CFHR5: variants seen among roughly 807,000 people sequenced by gnomAD.
CFHR5 encodes complement factor H-related protein 5.
In CFHR5, 73 loss-of-function variants were observed where a neutral mutation model predicts 62.9. The observed-to-expected ratio is 1.16, with a 90% confidence interval of 0.96 to 1.41. The LOEUF is 1.41. CFHR5 is among the 40% of genes most tolerant of loss of function. The pLI, the probability that CFHR5 is intolerant of heterozygous loss-of-function variation, is 0.00. For missense variants in CFHR5, 779 were observed against 679.9 expected (o/e 1.15, Z -1.62); for synonymous variants, 249 against 227.2 (o/e 1.10, Z -0.86).
chr1:197,006,125 T>C (rs1654281096), intron 9 of CFHR5, among the ~76,000 whole-genome samples: 1 of 152,148 alleles, frequency 6.6e-6, no homozygotes, highest in South Asian at 2.1e-4. Context: ...TCGCAGAAAT[T>C]ATCATGGCCA....
At chr1:196,999,771 A>G in intron 7 of CFHR5, among the ~76,000 whole-genome samples, 1 of 143,796 alleles carries the variant, frequency 7.0e-6, no homozygotes, top group Admixed American at 7.1e-5. Flanking sequence ...ACACACACAC[A>G]TATATGTATA....
intron 7 of CFHR5, among the ~76,000 whole-genome samples, chr1:197,001,546 TA>T (rs1654154211): frequency 2.0e-5 from 3 of 151,790 alleles, no homozygotes; most frequent in African/African-American, 7.3e-5. Context: ...TTTCACTGAA[TA>T]TGTTTTTTTT....
At chr1:196,977,255 A>ACTTG (rs1653418090), upstream of CFHR5, among the ~76,000 whole-genome samples, 1 of 150,912 alleles carries the variant, frequency 6.6e-6, no homozygotes, top group Non-Finnish European at 1.5e-5. Flanking sequence ...GATGACTTGC[A>ACTTG]CTTGCTTGCC....
chr1:196,976,052 T>C (rs1653389044), upstream of CFHR5, among the ~76,000 whole-genome samples: 1 of 152,156 alleles, frequency 6.6e-6, no homozygotes, highest in African/African-American at 2.4e-5. Flanking sequence ...GCTAAAAAGA[T>C]TGTTGAAATG....
Position 197,002,622 on chromosome 1 carries a change from G to A in CFHR5, c.1288G>A (p.Val430Ile), listed in dbSNP as rs1310716304. 1 of 1,613,590 alleles carries A rather than the reference G, an allele frequency of 6.2e-7. No homozygotes were observed. The highest frequency in any genetic ancestry group is 1.1e-5 in the South Asian group (1 of 91,066). The part of the protein sequence containing the change: ...NYLLPEAKEI[V>I]CKDGRWQSLP... ...TCTACTTCCAGAAGCAAAAGAAATTGTATGTAAAGATGGACGATGGCAATC... is the reference window on the plus strand; with the variant it reads ...TCTACTTCCAGAAGCAAAAGAAATTATATGTAAAGATGGACGATGGCAATC... Residue 430 changes from valine to isoleucine, a missense_variant, in exon 8 of 10, where the codon GTA (valine) becomes ATA (isoleucine). Val to Ile is a conservative substitution (Grantham distance 29, BLOSUM62 3). Coordinates refer to ENST00000256785, the MANE Select transcript of CFHR5 (RefSeq NM_030787.4).
rs140788459 is a variant in CFHR5, at chr1:196,984,123, T to A, written c.416T>A (p.Ile139Lys). 1 of 1,611,930 alleles carries A rather than the reference T, an allele frequency of 6.2e-7. No homozygotes were observed. Among genetic ancestry groups the A allele is most frequent in the African/African-American group, 1.3e-5 (1 of 74,422 alleles). ...GAACGGGGCTGGTCCACTCCTCCCA[T>A]ATGCAGCTTCACTAGTAAGCAAAAT... ...CVERGWSTPP[I>K]CSFTKGECHV... The change falls in exon 3 of 10, where the codon ATA becomes AAA. Residue 139 changes from isoleucine (I) to lysine (K), a missense_variant. Ile to Lys is a moderately radical substitution (Grantham distance 102). Transcript: ENST00000256785.
chr1:196,999,854 T>A (rs1046678723), intron 7 of CFHR5, among the ~76,000 whole-genome samples: 8 of 148,736 alleles, frequency 5.4e-5, no homozygotes, highest in Non-Finnish European at 1.5e-5. Flanking sequence ...ATGTATATCC[T>A]AAAAAGCTAG....
intron 3 of CFHR5, among the ~76,000 whole-genome samples, chr1:196,988,764 G>T (rs369065173): frequency 4.6e-5 from 7 of 152,046 alleles, no homozygotes; most frequent in East Asian, 3.9e-4. Flanking sequence ...TGCTGGATTT[G>T]GTTTGCCAGT....
chr1:196,993,482 A>C (rs528051782), intron 3 of CFHR5, among the ~76,000 whole-genome samples: 1 of 152,084 alleles, frequency 6.6e-6, no homozygotes, highest in Non-Finnish European at 1.5e-5. Context: ...TTTTCAGTAG[A>C]GGCAGGGTTT....
At chr1:197,000,764 T>C (rs1180969069) in intron 7 of CFHR5, among the ~76,000 whole-genome samples, 1 of 152,184 alleles carries the variant, frequency 6.6e-6, no homozygotes, top group Admixed American at 6.6e-5. Flanking sequence ...TTTGTGACTA[T>C]GTATTTAAAT....
intron 8 of CFHR5, 44 bp from the exon 9 acceptor site, chr1:197,004,617 T>G (rs748878743): frequency 6.1e-6 from 9 of 1,471,302 alleles, no homozygotes; most frequent in Non-Finnish European, 8.6e-6. Context: ...TATTATTTTG[T>G]TTAAACTAAC....
At chr1:196,984,483 TATA>T (rs1382418834) in intron 3 of CFHR5, among the ~76,000 whole-genome samples, 6 of 152,164 alleles carry the variant, frequency 3.9e-5, no homozygotes, top group Non-Finnish European at 7.4e-5. Flanking sequence ...TAAAATGTCT[TATA>T]AGGAAGTTTT....
In CFHR5 at chr1:197,000,633, A is replaced by G. The variant is rs559033134; in HGVS notation, c.1148-1849A>G. ...GATTACAGACACCTTCAGCTTCCCT[A>G]TTTCCTGGCACTGGGACATCTAGGA... On this transcript the variant is annotated intron_variant, in intron 7 of 9. Transcript: ENST00000256785. Among the ~76,000 whole-genome samples, 8 of 152,262 alleles carry G rather than the reference A, an allele frequency of 5.3e-5. No homozygotes were observed. In the South Asian group the frequency reaches 1.7e-3, roughly 32 times the overall value.
At chr1:196,981,082 T>C (rs1346812192) in intron 1 of CFHR5, among the ~76,000 whole-genome samples, 1 of 152,108 alleles carries the variant, frequency 6.6e-6, no homozygotes, top group Non-Finnish European at 1.5e-5. Flanking sequence ...TTATTTCAAA[T>C]ATTGTGCAAC....
chr1:196,979,091 A>G (rs1653469626), intron 1 of CFHR5, among the ~76,000 whole-genome samples: 1 of 152,230 alleles, frequency 6.6e-6, no homozygotes, highest in Non-Finnish European at 1.5e-5. Flanking sequence ...TGCTTCCAGT[A>G]GCAAAACATG....
intron 7 of CFHR5, among the ~76,000 whole-genome samples, chr1:197,000,588 A>C (rs1191765277): frequency 6.6e-6 from 1 of 152,148 alleles, no homozygotes; most frequent in East Asian, 1.9e-4. Context: ...TGAAATTCTC[A>C]TTATTATTTG....
chr1:197,005,541 T>A (rs1654263871), intron 9 of CFHR5, among the ~76,000 whole-genome samples: 1 of 152,094 alleles, frequency 6.6e-6, no homozygotes, highest in Non-Finnish European at 1.5e-5. Flanking sequence ...CTTTTATCGG[T>A]CATGACAAAC....
upstream of CFHR5, among the ~76,000 whole-genome samples, chr1:196,976,384 T>C (rs947998138): frequency 7.2e-5 from 11 of 152,264 alleles, no homozygotes; most frequent in African/African-American, 2.6e-4. Context: ...AATCTCTTTG[T>C]ATTCAATAGG....
Position 197,007,554 on chromosome 1 carries a change from C to T in CFHR5, c.1514-933C>T, listed in dbSNP as rs572541553. Among the ~76,000 whole-genome samples the T allele has an allele frequency of 2.6e-5, 4 of 151,018 alleles. No individual in the cohort carries two copies. In the South Asian group the frequency reaches 8.4e-4, roughly 32 times the overall value. On this transcript the variant is annotated intron_variant, in intron 9 of 9. Coordinates refer to ENST00000256785, the MANE Select transcript of CFHR5 (RefSeq NM_030787.4). ...TGGCAAGGATGTGGAGAGTTAAGCA[C>T]TCTAATATACATACAAGTGTATAAT...
Sources: gnomAD v4.1 joint callset for allele counts (sites outside exome capture counted in the v4.1 genomes callset) on GRCh38, gnomAD v4.1.1 for gene constraint, MANE v1.5 for transcripts, NCBI Gene and HGNC (gene_info 2026-07-23, HGNC 2026-07-21) for gene names.